Variants in MSI2 observed in about 807,000 individuals in gnomAD.
MSI2 encodes the protein RNA-binding protein Musashi homolog 2.
A neutral mutation model predicts 45.6 loss-of-function variants in MSI2; 17 were observed. That is an observed-to-expected ratio of 0.37 (90% CI 0.26 to 0.56). MSI2 has a LOEUF of 0.56. MSI2 is among the 20% of genes least tolerant of loss of function. MSI2 has a pLI of 0.77. For missense variants in MSI2, 293 were observed against 444.2 expected (o/e 0.66, Z 3.06); for synonymous variants, 156 against 158.2 (o/e 0.99, Z 0.11).
Position 57,379,363 on chromosome 17 carries a change from C to G in MSI2, c.313-22016C>G, listed in dbSNP as rs62060387. On this transcript the variant is annotated intron_variant, in intron 5 of 13. Coordinates refer to ENST00000284073, the MANE Select transcript of MSI2 (RefSeq NM_138962.4). Reference sequence around the variant, plus strand: ...GGGGAGATGTGGTCTCTCACTGGTACTTTATGGAAGGGTGTCTTTATTCAA... The same window carrying G: ...GGGGAGATGTGGTCTCTCACTGGTAGTTTATGGAAGGGTGTCTTTATTCAA... 6.8e-3 allele frequency among the ~76,000 whole-genome samples: 1,021 copies of G among 150,466 alleles called. 5 individuals carry two copies. Among genetic ancestry groups the G allele is most frequent in the Non-Finnish European group, 0.011 (762 of 67,550 alleles).
chr17:57,354,656 C>T (rs941351588), intron 5 of MSI2, among the ~76,000 whole-genome samples: 4 of 151,950 alleles, frequency 2.6e-5, no homozygotes, highest in Admixed American at 2.6e-4. Flanking sequence ...GTGTGAACCT[C>T]CAGGAAGTGC....
At chr17:57,534,943 A>G (rs935934186) in intron 7 of MSI2, among the ~76,000 whole-genome samples, 2 of 152,238 alleles carry the variant, frequency 1.3e-5, no homozygotes, top group African/African-American at 4.8e-5. Context: ...TTGTTGCTTT[A>G]TCCTTGTAAA....
At chr17:57,365,107 T>C (rs1245012669) in intron 5 of MSI2, 1 of 152,218 alleles carries the variant, frequency 6.6e-6, no homozygotes, top group Admixed American at 6.5e-5. Flanking sequence ...ATATTTGCGA[T>C]CTCCAAACAT....
At chr17:57,299,184 G>A (rs921967698) in intron 5 of MSI2, among the ~76,000 whole-genome samples, 2 of 152,244 alleles carry the variant, frequency 1.3e-5, no homozygotes, top group African/African-American at 4.8e-5. Context: ...AGGGAATGTT[G>A]TGGCTGGTTT....
At chr17:57,663,022 A>G (rs1280688010) in intron 11 of MSI2, among the ~76,000 whole-genome samples, 2 of 152,242 alleles carry the variant, frequency 1.3e-5, no homozygotes, top group African/African-American at 2.4e-5. Context: ...CTCTGGGAAG[A>G]CAGACGTCCT....
intron 11 of MSI2, among the ~76,000 whole-genome samples, chr17:57,659,247 G>T (rs56183378): frequency 0.11 from 15,357 of 142,398 alleles, 1,320 homozygotes; most frequent in East Asian, 0.4. Context: ...TGTGTTTTTT[G>T]TTTTTTCTTT....
At chr17:57,262,058 C>A in intron 4 of MSI2, 93 bp from the exon 5 acceptor site, 1 of 1,355,848 alleles carries the variant, frequency 7.4e-7, no homozygotes, top group Non-Finnish European at 1.0e-6. Context: ...GATTATAAGC[C>A]TGAGAAATGA....
chr17:57,268,163 C>G (rs1421643741), intron 5 of MSI2: 1 of 152,216 alleles, frequency 6.6e-6, no homozygotes, highest in African/African-American at 2.4e-5. Context: ...GACATTCACT[C>G]ATTCATTTAT....
chr17:57,697,150 A>ACACCCATACACACACACACT, the MSI2 span, among the ~76,000 whole-genome samples: 1 of 150,558 alleles, frequency 6.6e-6, no homozygotes, highest in African/African-American at 2.4e-5. Context: ...CAGGACACAC[A>ACACCCATACACACACACACT]CACACACACA....
intron 10 of MSI2, among the ~76,000 whole-genome samples, chr17:57,651,826 C>G (rs1281513932): frequency 1.3e-5 from 2 of 152,222 alleles, no homozygotes; most frequent in Non-Finnish European, 2.9e-5. Context: ...GAAAAAAATT[C>G]CTCCTACAAT....
intron 6 of MSI2, among the ~76,000 whole-genome samples, chr17:57,416,080 T>G (rs910167804): frequency 1.3e-5 from 2 of 152,140 alleles, no homozygotes; most frequent in African/African-American, 2.4e-5. Context: ...ATAGGACAAA[T>G]TGTCAGCTTC....
At chr17:57,450,198 A>G (rs2084971312) in intron 6 of MSI2, 1 of 151,642 alleles carries the variant, frequency 6.6e-6, no homozygotes, top group Non-Finnish European at 1.5e-5. Flanking sequence ...AGAGGGAGGA[A>G]AAAGATTTAT....
At chr17:57,636,171 G>C (rs140452879) in intron 10 of MSI2, among the ~76,000 whole-genome samples, 2,025 of 152,260 alleles carry the variant, frequency 0.013, 34 homozygotes, top group South Asian at 0.051. Context: ...CTTAGCCTGA[G>C]GGGTAGGGCT....
chr17:57,398,766 A>G (rs1429971968), intron 5 of MSI2, among the ~76,000 whole-genome samples: 1 of 152,260 alleles, frequency 6.6e-6, no homozygotes, highest in East Asian at 1.9e-4. Flanking sequence ...ATTACATTCC[A>G]CATTCTATTA....
At chr17:57,644,751 A>ATT (rs2144662903) in intron 10 of MSI2, among the ~76,000 whole-genome samples, 1 of 152,214 alleles carries the variant, frequency 6.6e-6, no homozygotes, top group East Asian at 1.9e-4. Flanking sequence ...CATAGGAAAA[A>ATT]TTGTTTCATA....
At chr17:57,383,468 C>G (rs980992647) in intron 5 of MSI2, among the ~76,000 whole-genome samples, 1 of 152,118 alleles carries the variant, frequency 6.6e-6, no homozygotes, top group Non-Finnish European at 1.5e-5. Context: ...ACCAGCCTGG[C>G]CAACATGGTG....
intron 6 of MSI2, among the ~76,000 whole-genome samples, chr17:57,416,009 G>C (rs1162510311): frequency 1.3e-5 from 2 of 152,160 alleles, no homozygotes; most frequent in African/African-American, 2.4e-5. Context: ...AAATGTTGTA[G>C]TAGGAGAAAC....
chr17:57,347,415 T>C (rs1915696447), intron 5 of MSI2, among the ~76,000 whole-genome samples: 3 of 152,152 alleles, frequency 2.0e-5, no homozygotes, highest in Admixed American at 6.5e-5. Context: ...CTTTTCAAAT[T>C]TTAAGTGAAG....
At chr17:57,277,279 A>G (rs1361397135) in intron 5 of MSI2, among the ~76,000 whole-genome samples, 2 of 152,006 alleles carry the variant, frequency 1.3e-5, no homozygotes, top group African/African-American at 2.4e-5. Flanking sequence ...GCTGGTCTCG[A>G]ACTCCTGACC....
Sources: gnomAD v4.1 joint callset for allele counts (sites outside exome capture counted in the v4.1 genomes callset) on GRCh38, gnomAD v4.1.1 for gene constraint, MANE v1.5 for transcripts, NCBI Gene and HGNC (gene_info 2026-07-23, HGNC 2026-07-21) for gene names.